PNPLA7: variants seen among roughly 807,000 people sequenced by gnomAD.
PNPLA7 encodes patatin like domain 7, lysophospholipase.
PNPLA7 carries 153 observed loss-of-function variants against 161.7 expected under a neutral mutation model. The observed-to-expected ratio is 0.95, with a 90% confidence interval of 0.83 to 1.08. The LOEUF (loss-of-function observed/expected upper bound fraction) is 1.08. Among genes scored for constraint, PNPLA7 ranks in the 50% least tolerant of loss-of-function variants. The pLI, the probability that PNPLA7 is intolerant of heterozygous loss-of-function variation, is 0.00. For missense variants in PNPLA7, 1,739 were observed against 1,856.6 expected, an observed-to-expected ratio of 0.94 and a Z score of 1.16; for synonymous variants, 809 against 782.1, an observed-to-expected ratio of 1.03 and a Z score of -0.57.
In PNPLA7 at chr9:137,462,022, C is replaced by T; in HGVS notation, c.3665G>A (p.Gly1222Glu). 6.3e-7 allele frequency: 1 copy of T among 1,599,728 alleles called. No homozygotes were observed. Among genetic ancestry groups the T allele is most frequent in the Non-Finnish European group, 8.5e-7 (1 of 1,174,450 alleles). The change falls in exon 32 of 35, where the codon GGG (glycine) becomes GAG (glutamate). Residue 1222 changes from glycine to glutamate, a missense_variant. By Grantham distance (98) the Gly-to-Glu change is moderately conservative (BLOSUM62 -2). Transcript: ENST00000406427. ...NEICEVGYQH[G>E]RTVFDIWGRS... ...GCCCCAGATGTCAAACACCGTGCGC[C>T]CGTGCTGGTAGCCCACTTCCTGTGC...
At chr9:137,462,873 T>TGCAGAGCCAGGGGACGGGG in intron 29 of PNPLA7, 40 bp from the exon 30 acceptor site, 1 of 1,607,984 alleles carries the variant, frequency 6.2e-7, no homozygotes, top group Non-Finnish European at 8.5e-7. Context: ...TGGACAGGCA[T>TGCAGAGCCAGGGGACGGGG]GCAGAGCCAG....
intron 20 of PNPLA7, among the ~76,000 whole-genome samples, chr9:137,487,512 C>T (rs575904505): frequency 3.3e-5 from 5 of 152,342 alleles, no homozygotes; most frequent in Admixed American, 2.6e-4. Flanking sequence ...GGAAAAGAAC[C>T]GGGGCACTGG....
At chr9:137,488,406 A>G (rs920308086) in intron 20 of PNPLA7, among the ~76,000 whole-genome samples, 2 of 152,190 alleles carry the variant, frequency 1.3e-5, no homozygotes, top group African/African-American at 4.8e-5. Context: ...TAGCCTTGGG[A>G]AAAAGCACTG....
chr9:137,461,929 A>ACCGCACTCG lies in PNPLA7; in HGVS notation c.3749_3756+1dup. 6.4e-7 allele frequency: 1 copy of ACCGCACTCG among 1,563,954 alleles called. No homozygotes were observed. The highest frequency in any genetic ancestry group is 8.6e-7 in the Non-Finnish European group (1 of 1,160,266). Reference sequence around the variant, plus strand: ...GGGCGTGGTCCGGACGCCCGTACTCACCGCACTCGCGGGCTTCTTGCTCGG... The same window carrying ACCGCACTCG: ...GGGCGTGGTCCGGACGCCCGTACTCACCGCACTCGCCGCACTCGCGGGCTTCTTGCTCGG... On this transcript the variant is annotated splice_donor_variant, in intron 32 of 34. Transcript: ENST00000406427. LOFTEE classifies it high-confidence loss of function.
intron 11 of PNPLA7, chr9:137,516,403 C>A: frequency 1.0e-6 from 1 of 985,106 alleles, no homozygotes; most frequent in Non-Finnish European, 1.2e-6. Flanking sequence ...CCATGAGCAC[C>A]CCCGGCCCTG....
intron 25 of PNPLA7, among the ~76,000 whole-genome samples, chr9:137,469,568 C>T (rs1831623089): frequency 6.6e-6 from 1 of 152,156 alleles, no homozygotes; most frequent in Admixed American, 6.6e-5. Context: ...ACTTTTCTAT[C>T]CTCTGAGTGG....
chr9:137,495,172 G>A (rs767736448), intron 18 of PNPLA7, 26 bp from the exon 19 acceptor site: 14 of 1,557,408 alleles, frequency 9.0e-6, no homozygotes, highest in Admixed American at 1.7e-5. Context: ...GGCTGCTGGG[G>A]CCGCGGGCTT....
At chr9:137,526,338 C>T (rs1054450483) in intron 8 of PNPLA7, among the ~76,000 whole-genome samples, 4 of 152,216 alleles carry the variant, frequency 2.6e-5, no homozygotes, top group South Asian at 4.1e-4. Flanking sequence ...AGTGCAATGG[C>T]GCGATCTCAG....
chr9:137,479,113 G>T lies in PNPLA7; in HGVS notation c.2706C>A (p.Gly902=). Residue 902 remains glycine, a synonymous_variant, in exon 24 of 35, where the codon GGC becomes GGA. Coordinates refer to ENST00000406427, the MANE Select transcript of PNPLA7 (RefSeq NM_001098537.3). ...GGCGCGGGCAGCAGAGGTGCAGGTG[G>T]CCGGAGCACCAGCTCCGCATGTTGA... The part of the protein sequence containing the change: ...EWLNMRSWCS[G]HLHLCCPRRV... The T allele has an allele frequency of 1.3e-6, 2 of 1,599,232 alleles. No individual in the cohort carries two copies. Among genetic ancestry groups the T allele is most frequent in the Non-Finnish European group, 8.5e-7 (1 of 1,174,092 alleles).
At chr9:137,521,514 A>G (rs1372738337) in intron 10 of PNPLA7, 122 bp downstream of exon 10, 1 of 889,192 alleles carries the variant, frequency 1.1e-6, no homozygotes, top group African/African-American at 1.7e-5. Flanking sequence ...GCAACTGGGA[A>G]GACCACAGCT....
At chr9:137,515,816 C>G (rs11137388) in intron 11 of PNPLA7, among the ~76,000 whole-genome samples, 1 of 84,906 alleles carries the variant, frequency 1.2e-5, no homozygotes. Flanking sequence ...CCCCCTCCCC[C>G]CTCAATCCCT....
intron 12 of PNPLA7, 29 bp from the exon 13 acceptor site, chr9:137,506,112 G>T (rs777490288): frequency 6.3e-7 from 1 of 1,579,406 alleles, no homozygotes; most frequent in Non-Finnish European, 8.6e-7. Flanking sequence ...CTCAGGACAC[G>T]GTTCGCTAGG....
rs749666749 is a variant in PNPLA7, at chr9:137,543,754, T to A, written c.335A>T (p.Lys112Met). 1.9e-6 allele frequency: 3 copies of A among 1,614,120 alleles called. No individual in the cohort carries two copies. Among genetic ancestry groups the A allele is most frequent in the Non-Finnish European group, 2.5e-6 (3 of 1,180,014 alleles). Residue 112 changes from lysine (K) to methionine (M), a missense_variant, in exon 5 of 35, where the codon AAG (lysine) becomes ATG (methionine). Lys to Met is a moderately conservative substitution (Grantham distance 95). This residue lies in a region of PNPLA7 where 209 missense variants were observed against 252.8 expected (regional missense o/e 0.83). Coordinates refer to ENST00000406427, the MANE Select transcript of PNPLA7 (RefSeq NM_001098537.3). The surrounding 1 kb of genome is among the most constrained non-coding windows in gnomAD (Gnocchi z 6.9). The stretch of plus-strand genomic sequence containing the variant: ...GGCCAAAGACAGCACCTTGGTCCTC[T>A]TCCTGGCCCGCTGCCGGGGCAGGGC... The part of the protein sequence containing the change: ...NTALPRQRAR[K>M]RTKVLSLAKR...
At chr9:137,471,314 T>C (rs771368311) in intron 25 of PNPLA7, among the ~76,000 whole-genome samples, 2 of 152,178 alleles carry the variant, frequency 1.3e-5, no homozygotes, top group Non-Finnish European at 2.9e-5. Context: ...AAAGATACCA[T>C]TTATGGCCGG....
chr9:137,544,662 A>G (rs1193670766), intron 4 of PNPLA7, among the ~76,000 whole-genome samples: 3 of 151,980 alleles, frequency 2.0e-5, no homozygotes, highest in African/African-American at 7.3e-5. Context: ...TTTGTTTTTG[A>G]GATGGAGTTT....
intron 12 of PNPLA7, 113 bp downstream of exon 12, chr9:137,515,266 G>C: frequency 7.1e-7 from 1 of 1,405,912 alleles, no homozygotes; most frequent in South Asian, 1.4e-5. Flanking sequence ...TGGGGCTCTA[G>C]TGGAGGGTGC....
chr9:137,487,042 G>A (rs576297853), intron 20 of PNPLA7, among the ~76,000 whole-genome samples: 1 of 143,644 alleles, frequency 7.0e-6, no homozygotes, highest in East Asian at 2.0e-4. Flanking sequence ...GACCCAACTC[G>A]ACTGCAGCTC....
At chr9:137,518,028 G>A (rs374856927) in intron 11 of PNPLA7, among the ~76,000 whole-genome samples, 1 of 18,780 alleles carries the variant, frequency 5.3e-5, no homozygotes, top group Non-Finnish European at 9.5e-5. Flanking sequence ...TCACTCACTC[G>A]ACTCTGTCCA....
Position 137,462,550 on chromosome 9 carries a change from A to G in PNPLA7, c.3492+135T>C, listed in dbSNP as rs538277530. 1.9e-4 allele frequency: 268 copies of G among 1,403,848 alleles called. No individual in the cohort carries two copies. The African/African-American group carries it at 3.2e-3, about 17-fold the overall frequency. 87.0% of individuals were successfully genotyped at this position (1,403,848 alleles called of 1,614,324 possible). A position where few individuals can be genotyped will look rare whatever the true frequency, so the allele number is the denominator to read the frequency against. ...TCCTTCGCCCGAGTTGGGCTCAGGC[A>G]GGGGTGGTGAGGGGTGGCCCCAGAC... On this transcript the variant is annotated intron_variant, in intron 30 of 34. Coordinates refer to ENST00000406427, the MANE Select transcript of PNPLA7 (RefSeq NM_001098537.3).
Sources: gnomAD v4.1 joint callset for allele counts (sites outside exome capture counted in the v4.1 genomes callset) on GRCh38, gnomAD v4.1.1 for gene constraint, gnomAD v4.1.1 regional missense constraint, Gnocchi (gnomAD v3.1) non-coding constraint, MANE v1.5 for transcripts, NCBI Gene and HGNC (gene_info 2026-07-23, HGNC 2026-07-21) for gene names.